KLHL32: variants seen among roughly 807,000 people sequenced by gnomAD.
KLHL32 encodes the protein kelch-like protein 32.
A neutral mutation model predicts 64.8 loss-of-function variants in KLHL32; 35 were observed. That is an observed-to-expected ratio of 0.54 (90% confidence interval 0.41 to 0.72). The LOEUF (loss-of-function observed/expected upper bound fraction) is 0.72, where lower values mean the gene tolerates loss of function less well. Ranked by LOEUF, KLHL32 falls within the 30% of genes least tolerant of loss-of-function variation. The pLI, the probability that KLHL32 is intolerant of heterozygous loss-of-function variation, is 0.00. For synonymous variants in KLHL32, 259 were observed against 281.0 expected (o/e 0.92, Z 0.78); for missense variants, 589 against 768.5 (o/e 0.77, Z 2.76).
At chr6:96,963,036 GA>G (rs1432463770) in intron 1 of KLHL32, among the ~76,000 whole-genome samples, 1 of 152,148 alleles carries the variant, frequency 6.6e-6, no homozygotes, top group Non-Finnish European at 1.5e-5. Context: ...TGTTGTAGGG[GA>G]GGGGGAAAAA....
At chr6:97,086,999 A>T (rs1169913356) in intron 6 of KLHL32, among the ~76,000 whole-genome samples, 2 of 152,240 alleles carry the variant, frequency 1.3e-5, no homozygotes, top group Non-Finnish European at 2.9e-5. Flanking sequence ...GGTAATGTGC[A>T]GATGGCTGAG....
At chr6:96,959,101 A>C (rs1243007212) in intron 1 of KLHL32, among the ~76,000 whole-genome samples, 3 of 152,166 alleles carry the variant, frequency 2.0e-5, no homozygotes, top group Non-Finnish European at 4.4e-5. Flanking sequence ...CACCTAGAGA[A>C]AGATGAGCGC....
In KLHL32 at chr6:97,104,349, G is replaced by A. The variant is rs184985974; in HGVS notation, c.628-9434G>A. ...GGGAAATAGACACCTTTAGTTGCAA[G>A]GGCTTTTCGCTTTTGGAACTCTGAA... On this transcript the variant is annotated intron_variant, in intron 6 of 10. Transcript: ENST00000369261. Among the ~76,000 whole-genome samples, 25 of 151,890 alleles carry A rather than the reference G, an allele frequency of 1.6e-4. 1 individual carries two copies. In the South Asian group the frequency reaches 2.9e-3, roughly 18 times the overall value.
chr6:97,082,620 A>AT (rs1792739561), intron 5 of KLHL32, among the ~76,000 whole-genome samples: 1 of 151,750 alleles, frequency 6.6e-6, no homozygotes, highest in South Asian at 2.1e-4. Context: ...TCTCAAAAAA[A>AT]AAAAATAAAT....
At chr6:97,109,243 G>GA (rs1796809350) in intron 6 of KLHL32, among the ~76,000 whole-genome samples, 1 of 152,040 alleles carries the variant, frequency 6.6e-6, no homozygotes. Flanking sequence ...CTTTGATCTG[G>GA]AAAAAAATAT....
chr6:97,118,551 G>A (rs941760755), intron 7 of KLHL32, among the ~76,000 whole-genome samples: 17 of 150,094 alleles, frequency 1.1e-4, no homozygotes, highest in Non-Finnish European at 2.4e-4. Flanking sequence ...CCCGGGAGGT[G>A]GAGGTTGCAG....
chr6:97,103,603 A>G (rs762334446), intron 6 of KLHL32, among the ~76,000 whole-genome samples: 10 of 152,228 alleles, frequency 6.6e-5, no homozygotes, highest in Non-Finnish European at 1.3e-4. Context: ...TATTTTTACA[A>G]GAGATGGTAT....
At chr6:96,959,944 G>A (rs2128023698) in intron 1 of KLHL32, among the ~76,000 whole-genome samples, 1 of 152,262 alleles carries the variant, frequency 6.6e-6, no homozygotes, top group East Asian at 1.9e-4. Context: ...GTATGACTGT[G>A]TCCTAGAATA....
intron 1 of KLHL32, among the ~76,000 whole-genome samples, chr6:96,966,718 C>G (rs1022374284): frequency 5.9e-5 from 9 of 152,162 alleles, no homozygotes; most frequent in Non-Finnish European, 1.0e-4. Context: ...CATTCCATCT[C>G]TTGTTTTAAT....
chr6:97,030,414 A>T, intron 3 of KLHL32, among the ~76,000 whole-genome samples: 1 of 152,370 alleles, frequency 6.6e-6, no homozygotes, highest in East Asian at 1.9e-4. Flanking sequence ...ATAACACACC[A>T]TAAATCCACA....
intron 4 of KLHL32, among the ~76,000 whole-genome samples, chr6:97,043,543 A>G (rs1171665491): frequency 6.6e-6 from 1 of 152,186 alleles, no homozygotes; most frequent in Non-Finnish European, 1.5e-5. Context: ...AGATGTCTCT[A>G]TAGCATACTA....
At chr6:97,085,424 C>G in intron 6 of KLHL32, 83 bp downstream of exon 6, 2 of 1,189,878 alleles carry the variant, frequency 1.7e-6, no homozygotes, top group South Asian at 2.6e-5. Flanking sequence ...ACAATTACCA[C>G]TATTTTAGTG....
chr6:97,003,552 A>G (rs1049895241), intron 3 of KLHL32, among the ~76,000 whole-genome samples: 2 of 152,194 alleles, frequency 1.3e-5, no homozygotes, highest in East Asian at 1.9e-4. Flanking sequence ...CATCTTTGTC[A>G]TGAAATGTCT....
At chr6:97,068,903 G>A (rs1243663112) in intron 5 of KLHL32, among the ~76,000 whole-genome samples, 2 of 152,156 alleles carry the variant, frequency 1.3e-5, no homozygotes, top group East Asian at 1.9e-4. Context: ...GTCATTAAGC[G>A]GCATTAGTTT....
At chr6:96,973,517 A>T (rs1775333102) in intron 2 of KLHL32, among the ~76,000 whole-genome samples, 1 of 152,144 alleles carries the variant, frequency 6.6e-6, no homozygotes, top group African/African-American at 2.4e-5. Context: ...ATTAGAATCT[A>T]TTTTCCATCC....
At chr6:96,965,375 G>A (rs116183422) in intron 1 of KLHL32, among the ~76,000 whole-genome samples, 186 of 152,264 alleles carry the variant, frequency 1.2e-3, no homozygotes, top group African/African-American at 4.3e-3. Context: ...GTCTCCAAAC[G>A]ATAAATGTCT....
At chr6:96,940,544 A>G (rs1383087161) in intron 1 of KLHL32, among the ~76,000 whole-genome samples, 1 of 152,210 alleles carries the variant, frequency 6.6e-6, no homozygotes, top group East Asian at 1.9e-4. Flanking sequence ...ATGCATGGTG[A>G]CTCAGAGACC....
intron 6 of KLHL32, among the ~76,000 whole-genome samples, chr6:97,101,449 T>C (rs1201336095): frequency 6.6e-6 from 1 of 152,178 alleles, no homozygotes; most frequent in African/African-American, 2.4e-5. Context: ...AGAACGTTGA[T>C]ATACACTGAT....
chr6:97,040,788 G>A (rs1279393893), intron 3 of KLHL32, among the ~76,000 whole-genome samples: 3 of 152,152 alleles, frequency 2.0e-5, no homozygotes, highest in African/African-American at 7.2e-5. Flanking sequence ...CCCCCATGCT[G>A]TTCTCATGAT....
Sources: allele counts gnomAD v4.1 joint callset (sites outside exome capture counted in the v4.1 genomes callset), GRCh38; gene constraint gnomAD v4.1.1; transcripts MANE v1.5; gene names NCBI Gene and HGNC (gene_info 2026-07-23, HGNC 2026-07-21).